KDM4B: variants seen among roughly 807,000 people sequenced by gnomAD.
KDM4B encodes the protein lysine demethylase 4B.
A neutral mutation model predicts 125.2 loss-of-function variants in KDM4B; 32 were observed. That is an observed-to-expected ratio of 0.26 (90% CI 0.19 to 0.34). KDM4B has a LOEUF of 0.34. Ranked by LOEUF, KDM4B falls within the 10% of genes least tolerant of loss-of-function variation. The pLI, the probability that KDM4B is intolerant of heterozygous loss-of-function variation, is 1.00. For missense variants in KDM4B, 1,190 were observed against 1,577.7 expected, an observed-to-expected ratio of 0.75 and a Z score of 4.16; for synonymous variants, 721 against 677.9, an observed-to-expected ratio of 1.06 and a Z score of -0.99.
Position 5,133,868 on chromosome 19 carries a change from CCT to C in KDM4B, c.1907-12_1907-11del. On this transcript the variant is annotated splice_polypyrimidine_tract_variant and intron_variant, in intron 13 of 22. Transcript: ENST00000159111. ...GGCTCAAGTGTCTCTCTCCCTCTCC[CCT>C]CTGTTCTTCTAGAGGCATCCCCTTT... 1 of 1,611,566 alleles carries C rather than the reference CCT, an allele frequency of 6.2e-7. No homozygotes were observed. Among genetic ancestry groups the C allele is most frequent in the Non-Finnish European group, 8.5e-7 (1 of 1,179,226 alleles).
intron 3 of KDM4B, 92 bp from the exon 4 acceptor site, chr19:5,039,744 T>C (rs2036745663): frequency 1.7e-5 from 22 of 1,299,636 alleles, no homozygotes; most frequent in Middle Eastern, 3.9e-4. Context: ...TCTTGGGGGG[T>C]GCTGGTCTCT....
intron 6 of KDM4B, among the ~76,000 whole-genome samples, chr19:5,068,139 G>A (rs2037833438): frequency 1.3e-5 from 2 of 149,760 alleles, no homozygotes; most frequent in Admixed American, 1.3e-4. Context: ...TGTCAGGGAT[G>A]CCCCAGCATG....
chr19:4,994,420 A>G (rs1439502795), intron 1 of KDM4B, among the ~76,000 whole-genome samples: 2 of 151,892 alleles, frequency 1.3e-5, no homozygotes, highest in Non-Finnish European at 1.5e-5. Flanking sequence ...AAAAATACAC[A>G]TGCGTGGTGG....
At chr19:5,071,361 C>T (rs906122050) in intron 7 of KDM4B, among the ~76,000 whole-genome samples, 2 of 152,222 alleles carry the variant, frequency 1.3e-5, no homozygotes, top group African/African-American at 4.8e-5. Context: ...GCTGCCAGGG[C>T]CCAGGGAGGG....
At chr19:4,985,290 C>T (rs2034788821) in intron 1 of KDM4B, among the ~76,000 whole-genome samples, 1 of 152,164 alleles carries the variant, frequency 6.6e-6, no homozygotes, top group Admixed American at 6.5e-5. Flanking sequence ...CGCCATTGCG[C>T]TCCAGCCTGG....
chr19:5,111,161 C>T lies in KDM4B; in HGVS notation c.1115+343C>T, dbSNP rs2039136447. Among the ~76,000 whole-genome samples the T allele has an allele frequency of 2.0e-5, 3 of 152,274 alleles. 1 individual carries two copies. The South Asian group carries it at 6.2e-4, about 31-fold the overall frequency. ...GGCCCCAGGCCCCGTGCCATTGCCT[C>T]AGCAGAGCCACCAGCCACATGGCTC... On this transcript the variant is annotated intron_variant, in intron 10 of 22. Coordinates refer to ENST00000159111, the MANE Select transcript of KDM4B (RefSeq NM_015015.3).
intron 1 of KDM4B, among the ~76,000 whole-genome samples, chr19:4,984,127 C>T (rs2034745179): frequency 6.6e-6 from 1 of 152,184 alleles, no homozygotes; most frequent in South Asian, 2.1e-4. Flanking sequence ...CAGCACCCTG[C>T]AGTGCCCCGG....
intron 11 of KDM4B, among the ~76,000 whole-genome samples, chr19:5,127,513 C>T (rs1341909022): frequency 3.3e-5 from 5 of 152,170 alleles, no homozygotes; most frequent in African/African-American, 1.2e-4. Flanking sequence ...GCGGGCTATG[C>T]GTGGAGTGCG....
chr19:5,087,316 C>T (rs1258680304), intron 9 of KDM4B, among the ~76,000 whole-genome samples: 5 of 152,260 alleles, frequency 3.3e-5, no homozygotes, highest in Non-Finnish European at 7.3e-5. Flanking sequence ...CAGGAGGAGG[C>T]CTGGTGGCCC....
intron 15 of KDM4B, among the ~76,000 whole-genome samples, chr19:5,136,923 TGGG>T (rs2039658173): frequency 6.6e-6 from 1 of 152,144 alleles, no homozygotes; most frequent in Non-Finnish European, 1.5e-5. Context: ...GAGCTGCTGT[TGGG>T]GGTGCAGACA....
chr19:5,096,480 C>T (rs1450430777), intron 9 of KDM4B, among the ~76,000 whole-genome samples: 1 of 152,180 alleles, frequency 6.6e-6, no homozygotes. Flanking sequence ...CAGGTCTCCA[C>T]GGGCTTGGGC....
intron 2 of KDM4B, among the ~76,000 whole-genome samples, chr19:5,025,122 T>C (rs1024098287): frequency 2.6e-5 from 4 of 152,184 alleles, no homozygotes; most frequent in Non-Finnish European, 5.9e-5. Flanking sequence ...TTTTGAGAGC[T>C]GGGTTGGGTT....
intron 14 of KDM4B, 125 bp from the exon 15 acceptor site, chr19:5,135,214 C>T (rs933416148): frequency 1.6e-5 from 10 of 643,874 alleles, no homozygotes; most frequent in Middle Eastern, 4.1e-4. Context: ...GCCATCTCCC[C>T]GACCTCCCCC....
chr19:5,145,230 T>TA (rs1319232519), intron 21 of KDM4B, among the ~76,000 whole-genome samples: 1 of 152,020 alleles, frequency 6.6e-6, no homozygotes, highest in Non-Finnish European at 1.5e-5. Flanking sequence ...TTTTTTTTTT[T>TA]AATCAAATTG....
intron 1 of KDM4B, among the ~76,000 whole-genome samples, chr19:4,984,228 C>T (rs866515807): frequency 2.2e-4 from 34 of 152,278 alleles, no homozygotes; most frequent in African/African-American, 7.2e-4. Context: ...GGTTGGGCCC[C>T]GGGAGGTCAC....
chr19:5,067,957 C>T (rs2037825977), intron 6 of KDM4B, among the ~76,000 whole-genome samples: 1 of 152,182 alleles, frequency 6.6e-6, no homozygotes, highest in Non-Finnish European at 1.5e-5. Context: ...GACAAACTGC[C>T]TCCCCGTGTC....
intron 12 of KDM4B, 116 bp downstream of exon 12, chr19:5,131,661 A>AGGTGGGGTGGGGCCGGGGAGGAGGGGG: frequency 4.7e-5 from 9 of 191,640 alleles, no homozygotes; most frequent in Middle Eastern, 1.4e-3. Context: ...GGAGGAGGGG[A>AGGTGGGGTGGGGCCGGGGAGGAGGGGG]CAGGAGGGCT....
rs755832935 is a variant in KDM4B at position 5,134,009 on chromosome 19, C to T, written c.2033C>T (p.Ala678Val). The T allele has an allele frequency of 9.3e-6, 15 of 1,611,002 alleles. No homozygotes were observed. Among genetic ancestry groups the T allele is most frequent in the African/African-American group, 6.7e-5 (5 of 74,938 alleles). Residue 678 changes from alanine (A) to valine (V), a missense_variant, in exon 14 of 23, where the codon GCG (alanine) becomes GTG (valine). This residue lies in a region of KDM4B where 128 missense variants were observed against 137.8 expected (regional missense o/e 0.93). Coordinates refer to ENST00000159111, the MANE Select transcript of KDM4B (RefSeq NM_015015.3). ...GAGAGGAAGTTCAACGCAGCGGCTG[C>T]GCGCACGGAGCCCTACTGCGCCATC... is the stretch of plus-strand genomic sequence containing the variant. ...QAERKFNAAAARTEPYCAICT... is the reference protein window; with the variant it reads ...QAERKFNAAAVRTEPYCAICT...
At chr19:5,047,724 A>G (rs2145706093) in intron 6 of KDM4B, 55 bp downstream of exon 6, 2 of 1,564,382 alleles carry the variant, frequency 1.3e-6, no homozygotes, top group Admixed American at 1.7e-5. Flanking sequence ...CTCGGGAGGG[A>G]GTCAATCCCG....
Sources: gnomAD v4.1 joint callset for allele counts (sites outside exome capture counted in the v4.1 genomes callset) on GRCh38, gnomAD v4.1.1 for gene constraint, gnomAD v4.1.1 regional missense constraint, MANE v1.5 for transcripts, NCBI Gene and HGNC (gene_info 2026-07-23, HGNC 2026-07-21) for gene names.